Variants in PDCD1LG2 observed in about 807,000 individuals in gnomAD.
PDCD1LG2 encodes programmed cell death 1 ligand 2, also known as B7 dendritic cell molecule.
In PDCD1LG2, 32 loss-of-function variants were observed where a neutral mutation model predicts 28.2. The observed-to-expected ratio is 1.13, with a 90% CI of 0.86 to 1.52. The LOEUF (loss-of-function observed/expected upper bound fraction) is 1.52, where lower values mean the gene tolerates loss of function less well. PDCD1LG2 is among the 40% of genes most tolerant of loss of function. The probability of loss-of-function intolerance (pLI) is 0.00; values close to 1 mark genes in which losing one functional copy is unlikely to be tolerated. For missense variants in PDCD1LG2, 385 were observed against 323.8 expected (o/e 1.19, Z -1.45); for synonymous variants, 116 against 120.2 (o/e 0.97, Z 0.23).
At chr9:5,549,996 T>C (rs1488305301) in intron 4 of PDCD1LG2, among the ~76,000 whole-genome samples, 9 of 152,324 alleles carry the variant, frequency 5.9e-5, no homozygotes, top group Non-Finnish European at 1.2e-4. Context: ...AGTCAGAGAA[T>C]ACAAGGGTCC....
At chr9:5,543,335 C>T (rs539742758) in intron 3 of PDCD1LG2, among the ~76,000 whole-genome samples, 2 of 152,104 alleles carry the variant, frequency 1.3e-5, no homozygotes, top group East Asian at 1.9e-4. Context: ...GTCAGGAGAT[C>T]AAGATCATCC....
chr9:5,567,918 A>T (rs553978527), intron 6 of PDCD1LG2, among the ~76,000 whole-genome samples: 3 of 152,210 alleles, frequency 2.0e-5, no homozygotes, highest in Non-Finnish European at 4.4e-5. Flanking sequence ...CTTTTGGTCC[A>T]GTCTTTACGT....
chr9:5,561,313 C>T (rs985319855), intron 5 of PDCD1LG2, among the ~76,000 whole-genome samples: 7 of 152,154 alleles, frequency 4.6e-5, no homozygotes, highest in Non-Finnish European at 5.9e-5. Flanking sequence ...TACTGAAAAC[C>T]ACTGTGCTAG....
At chr9:5,514,028 C>T (rs568727291) in intron 1 of PDCD1LG2, among the ~76,000 whole-genome samples, 2 of 152,282 alleles carry the variant, frequency 1.3e-5, no homozygotes, top group East Asian at 3.9e-4. Flanking sequence ...CTACTAGACA[C>T]TGGGAGAGGG....
chr9:5,538,456 C>A (rs1200661981), intron 3 of PDCD1LG2, among the ~76,000 whole-genome samples: 1 of 151,920 alleles, frequency 6.6e-6, no homozygotes, highest in Non-Finnish European at 1.5e-5. Context: ...GAGGCCAAGG[C>A]GGGTGGATCA....
At chr9:5,514,052 G>T (rs939556741) in intron 1 of PDCD1LG2, among the ~76,000 whole-genome samples, 2 of 152,326 alleles carry the variant, frequency 1.3e-5, no homozygotes, top group East Asian at 3.9e-4. Context: ...AGGCAAATGG[G>T]ATAAGACTGG....
intron 1 of PDCD1LG2, among the ~76,000 whole-genome samples, chr9:5,521,563 T>C (rs1436966311): frequency 6.6e-6 from 1 of 152,066 alleles, no homozygotes; most frequent in African/African-American, 2.4e-5. Context: ...TCCTAACCGA[T>C]CTCACTGCTT....
chr9:5,563,305 G>A (rs1816602770), intron 6 of PDCD1LG2, 94 bp downstream of exon 6: 2 of 1,067,104 alleles, frequency 1.9e-6, no homozygotes, highest in Non-Finnish European at 2.8e-6. Context: ...TTCATGGAAG[G>A]CAACTGAATA....
intron 6 of PDCD1LG2, among the ~76,000 whole-genome samples, chr9:5,567,737 A>T (rs1392800782): frequency 6.6e-6 from 1 of 152,196 alleles, no homozygotes; most frequent in Non-Finnish European, 1.5e-5. Flanking sequence ...AACCTGTATT[A>T]AGTTTCTGTT....
At chr9:5,526,533 G>A (rs948879009) in intron 2 of PDCD1LG2, among the ~76,000 whole-genome samples, 1 of 152,112 alleles carries the variant, frequency 6.6e-6, no homozygotes, top group Non-Finnish European at 1.5e-5. Flanking sequence ...CAACTCCCAG[G>A]CTCAAGTGAG....
At chr9:5,521,191 T>C (rs1304713815) in intron 1 of PDCD1LG2, among the ~76,000 whole-genome samples, 1 of 152,020 alleles carries the variant, frequency 6.6e-6, no homozygotes, top group Non-Finnish European at 1.5e-5. Context: ...ACTAGATTAG[T>C]GGTTGCCAAG....
chr9:5,518,809 A>G (rs1222183662), intron 1 of PDCD1LG2, among the ~76,000 whole-genome samples: 1 of 152,164 alleles, frequency 6.6e-6, no homozygotes, highest in East Asian at 1.9e-4. Flanking sequence ...TCAAGCTTTC[A>G]TCTGTACAAA....
intron 2 of PDCD1LG2, among the ~76,000 whole-genome samples, chr9:5,531,557 A>T (rs556358357): frequency 6.6e-6 from 1 of 152,308 alleles, no homozygotes; most frequent in African/African-American, 2.4e-5. Context: ...ACGCATTCTT[A>T]CAAGGCAGAC....
Position 5,557,493 on chromosome 9 carries a change from GCCTGGTGTGGAGTAAATGCT to G in PDCD1LG2, c.632-122_632-103del, listed in dbSNP as rs1227722964. The G allele has an allele frequency of 6.3e-6, 7 of 1,109,262 alleles. No homozygotes were observed. The African/African-American group carries it at 1.1e-4, about 17-fold the overall frequency. 68.7% of individuals were successfully genotyped at this position (1,109,262 alleles called of 1,614,324 possible). On this transcript the variant is annotated intron_variant, in intron 4 of 6. Coordinates refer to ENST00000397747, the MANE Select transcript of PDCD1LG2 (RefSeq NM_025239.4). Reference sequence around the variant, plus strand: ...ATAGGTGCAGAGCACTTAGAATAGGGCCTGGTGTGGAGTAAATGCTCCACAGAGCTAGCCGTGTTGGCTGT... The same window carrying G: ...ATAGGTGCAGAGCACTTAGAATAGGGCCACAGAGCTAGCCGTGTTGGCTGT...
In PDCD1LG2 at chr9:5,554,990, A is replaced by C. The variant is rs1022476144; in HGVS notation, c.632-2628A>C. On this transcript the variant is annotated intron_variant, in intron 4 of 6. Coordinates refer to ENST00000397747, the MANE Select transcript of PDCD1LG2 (RefSeq NM_025239.4). ...TGTGCTTATAAAGTGCTTAGTACTCAGAAAGTGTGCAAACAGTAAAAAAAA... is the reference window on the plus strand; with the variant it reads ...TGTGCTTATAAAGTGCTTAGTACTCCGAAAGTGTGCAAACAGTAAAAAAAA... Among the ~76,000 whole-genome samples, 4 of 150,010 alleles carry C rather than the reference A, an allele frequency of 2.7e-5. No individual in the cohort carries two copies. The East Asian group carries it at 7.9e-4, about 30-fold the overall frequency.
intron 4 of PDCD1LG2, among the ~76,000 whole-genome samples, chr9:5,549,934 T>C (rs912593593): frequency 1.3e-5 from 2 of 152,166 alleles, no homozygotes; most frequent in Admixed American, 6.5e-5. Context: ...CTCATTCTCC[T>C]CCCACCCTCC....
chr9:5,559,228 T>C (rs886571062), intron 5 of PDCD1LG2, among the ~76,000 whole-genome samples: 1 of 152,228 alleles, frequency 6.6e-6, no homozygotes, highest in African/African-American at 2.4e-5. Flanking sequence ...GAGGTAAAGC[T>C]CAAGTTCTAA....
chr9:5,568,182 A>G (rs1363551024), intron 6 of PDCD1LG2, among the ~76,000 whole-genome samples: 1 of 152,226 alleles, frequency 6.6e-6, no homozygotes, highest in East Asian at 1.9e-4. Flanking sequence ...ACCCTATCAT[A>G]TAGGCTATTT....
intron 6 of PDCD1LG2, among the ~76,000 whole-genome samples, chr9:5,563,444 C>T (rs533521725): frequency 6.6e-6 from 1 of 152,256 alleles, no homozygotes; most frequent in East Asian, 1.9e-4. Context: ...TGCACTGGAC[C>T]TCTGGTCTCA....
Sources: gnomAD v4.1 joint callset for allele counts (sites outside exome capture counted in the v4.1 genomes callset) on GRCh38, gnomAD v4.1.1 for gene constraint, MANE v1.5 for transcripts, NCBI Gene and HGNC (gene_info 2026-07-23, HGNC 2026-07-21) for gene names.